Variants in HEG1 observed in about 807,000 individuals in gnomAD.
The protein encoded by HEG1 is heart development protein with EGF like domains 1.
Under a neutral mutation model 125.6 loss-of-function variants are expected in HEG1, and 56 were observed. The observed-to-expected ratio is 0.45, with a 90% CI of 0.36 to 0.56. HEG1 has a LOEUF of 0.56. Among genes scored for constraint, HEG1 ranks in the 20% least tolerant of loss-of-function variants. The pLI is 0.00. For missense variants in HEG1, 1,523 were observed against 1,670.0 expected (o/e 0.91, Z 1.53); for synonymous variants, 644 against 668.5 (o/e 0.96, Z 0.57).
rs960085365 is a variant in HEG1 at position 125,014,279 on chromosome 3, A to C, written c.1589-289T>G. Among the ~76,000 whole-genome samples, 41 of 152,152 alleles carry C rather than the reference A, an allele frequency of 2.7e-4. 1 individual carries two copies. Among genetic ancestry groups the C allele is most frequent in the Non-Finnish European group, 2.9e-5 (2 of 68,022 alleles). ...GGGGACTAAGGGTCTAAAAATGGAG[A>C]GGAGTTGCAAATTTCCTCCACATGC... On this transcript the variant is annotated intron_variant, in intron 5 of 16. Coordinates refer to ENST00000311127, the MANE Select transcript of HEG1 (RefSeq NM_020733.2).
intron 1 of HEG1, among the ~76,000 whole-genome samples, chr3:125,051,078 G>C (rs1463830307): frequency 6.6e-6 from 1 of 152,182 alleles, no homozygotes; most frequent in Non-Finnish European, 1.5e-5. Flanking sequence ...ATTCATTTCA[G>C]CTTGGCTTAT....
intron 1 of HEG1, among the ~76,000 whole-genome samples, chr3:125,052,289 C>T (rs372615628): frequency 3.9e-5 from 6 of 152,140 alleles, no homozygotes; most frequent in African/African-American, 1.4e-4. Flanking sequence ...GTCTCTTGCC[C>T]GCTGCACCTT....
In HEG1 at chr3:124,990,767, G is replaced by T; in HGVS notation, c.3733+20C>A. The T allele has an allele frequency of 6.4e-7, 1 of 1,556,456 alleles. No individual in the cohort carries two copies. The highest frequency in any genetic ancestry group is 8.7e-7 in the Non-Finnish European group (1 of 1,149,396). ...GCCAGGCCCCTGCCCACGCATAATG[G>T]TCCACTTTTGTACACTTACGGTTTC... On this transcript the variant is annotated intron_variant, in intron 14 of 16. Coordinates refer to ENST00000311127, the MANE Select transcript of HEG1 (RefSeq NM_020733.2).
At chr3:125,034,566 G>T (rs1209376238) in intron 1 of HEG1, among the ~76,000 whole-genome samples, 1 of 152,210 alleles carries the variant, frequency 6.6e-6, no homozygotes, top group Admixed American at 6.5e-5. Context: ...GGGAGACCAA[G>T]GCAGGAGGAT....
intron 1 of HEG1, among the ~76,000 whole-genome samples, chr3:125,032,551 T>A (rs984993136): frequency 3.3e-5 from 5 of 152,152 alleles, no homozygotes; most frequent in Non-Finnish European, 5.9e-5. Flanking sequence ...AAGTTCAGCT[T>A]GAGAGACTGG....
intron 8 of HEG1, among the ~76,000 whole-genome samples, chr3:125,007,198 C>CAAA (rs1212172102): frequency 1.1e-3 from 59 of 54,402 alleles, no homozygotes; most frequent in African/African-American, 2.1e-3. Context: ...GACTCCGTCT[C>CAAA]AAAAAAAAAA....
At chr3:125,054,977 A>C (rs1421878926) in intron 1 of HEG1, among the ~76,000 whole-genome samples, 1 of 152,136 alleles carries the variant, frequency 6.6e-6, no homozygotes, top group East Asian at 1.9e-4. Flanking sequence ...TTGGGAAAGG[A>C]AAGGGGAGGG....
At chr3:125,017,157 T>A (rs1239948949) in intron 5 of HEG1, among the ~76,000 whole-genome samples, 1 of 151,940 alleles carries the variant, frequency 6.6e-6, no homozygotes, top group Non-Finnish European at 1.5e-5. Flanking sequence ...CAGGTTCAAG[T>A]GATTCTCCTG....
In HEG1 at chr3:125,042,193, C is replaced by T. The variant is rs528936481; in HGVS notation, c.317-12705G>A. Among the ~76,000 whole-genome samples the T allele has an allele frequency of 5.9e-5, 9 of 152,208 alleles. No individual in the cohort carries two copies. In the East Asian group the frequency reaches 9.6e-4, roughly 16 times the overall value. On this transcript the variant is annotated intron_variant, in intron 1 of 16. Transcript: ENST00000311127. ...CTGTAATCCCAGCAATTTGGGAGGCCGAGGCGGGTGGATCACTTGAGGTTA... is the reference window on the plus strand; with the variant it reads ...CTGTAATCCCAGCAATTTGGGAGGCTGAGGCGGGTGGATCACTTGAGGTTA...
intron 2 of HEG1, among the ~76,000 whole-genome samples, chr3:125,028,902 C>T (rs2107707260): frequency 6.6e-6 from 1 of 152,320 alleles, no homozygotes; most frequent in Middle Eastern, 3.4e-3. Context: ...TCCCACAAAA[C>T]CTACTGCCTC....
chr3:124,975,318 T>C (rs1184054539), intron 15 of HEG1, among the ~76,000 whole-genome samples: 1 of 152,230 alleles, frequency 6.6e-6, no homozygotes, highest in African/African-American at 2.4e-5. Context: ...CCTGCCATTA[T>C]TATCATCTAA....
chr3:124,977,631 C>CG (rs1313944470), intron 15 of HEG1, among the ~76,000 whole-genome samples: 2 of 152,174 alleles, frequency 1.3e-5, no homozygotes, highest in African/African-American at 4.8e-5. Flanking sequence ...CTTGTGCTTT[C>CG]AGCTATTCTT....
At chr3:125,020,129 T>C (rs1937314058) in intron 4 of HEG1, among the ~76,000 whole-genome samples, 1 of 152,212 alleles carries the variant, frequency 6.6e-6, no homozygotes, top group African/African-American at 2.4e-5. Context: ...CTGAAGCTAG[T>C]TTGAAGAGTG....
chr3:125,018,709 T>C (rs951891928), intron 5 of HEG1, among the ~76,000 whole-genome samples: 1 of 151,880 alleles, frequency 6.6e-6, no homozygotes, highest in South Asian at 2.1e-4. Context: ...CTGAGCTGTG[T>C]GTGGGAAGAG....
intron 14 of HEG1, among the ~76,000 whole-genome samples, chr3:124,978,310 G>A (rs1329793276): frequency 6.6e-6 from 1 of 152,140 alleles, no homozygotes; most frequent in East Asian, 1.9e-4. Context: ...ACCAGGCCCG[G>A]CTAATTTTTT....
intron 5 of HEG1, among the ~76,000 whole-genome samples, chr3:125,018,649 G>A (rs766643890): frequency 2.4e-4 from 37 of 152,146 alleles, no homozygotes; most frequent in Non-Finnish European, 2.8e-4. Context: ...AGGCAGGTAT[G>A]GAGTTATGGG....
chr3:124,995,569 A>G (rs989929138), intron 12 of HEG1, among the ~76,000 whole-genome samples: 2 of 152,182 alleles, frequency 1.3e-5, no homozygotes, highest in Non-Finnish European at 2.9e-5. Flanking sequence ...TTGAGCCTTG[A>G]TTTGAGGTGT....
intron 1 of HEG1, among the ~76,000 whole-genome samples, chr3:125,033,439 A>T (rs1266969840): frequency 1.3e-5 from 2 of 152,302 alleles, no homozygotes; most frequent in African/African-American, 4.8e-5. Context: ...TAAGGCAAAT[A>T]GAAACAAACC....
intron 1 of HEG1, among the ~76,000 whole-genome samples, chr3:125,039,614 C>T (rs1470730962): frequency 1.3e-5 from 2 of 152,152 alleles, no homozygotes; most frequent in Admixed American, 1.3e-4. Context: ...GGGCTTACCA[C>T]GTGCTAAACA....
Sources: gnomAD v4.1 joint callset for allele counts (sites outside exome capture counted in the v4.1 genomes callset) on GRCh38, gnomAD v4.1.1 for gene constraint, MANE v1.5 for transcripts, NCBI Gene and HGNC (gene_info 2026-07-23, HGNC 2026-07-21) for gene names.